The following BRIP1 variants were observed in gnomAD, a reference collection of about 807,000 sequenced individuals.
BRIP1 encodes Fanconi anemia group J protein.
BRIP1 carries 88 observed loss-of-function variants against 119.7 expected under a neutral mutation model. That is an observed-to-expected ratio of 0.74 (90% CI 0.62 to 0.88). The LOEUF (loss-of-function observed/expected upper bound fraction) is 0.88, where lower values mean the gene tolerates loss of function less well. BRIP1 is among the 40% of genes least tolerant of loss of function. BRIP1 has a pLI of 0.00. For missense variants in BRIP1, 1,259 were observed against 1,455.4 expected, an observed-to-expected ratio of 0.87 and a Z score of 2.20; for synonymous variants, 443 against 496.5, an observed-to-expected ratio of 0.89 and a Z score of 1.43.
At position 61,725,971 on chromosome 17, in the gene BRIP1, A is replaced by G. The variant is rs1035026533; in HGVS notation, c.2380-9908T>C. 4.6e-5 allele frequency among the ~76,000 whole-genome samples: 7 copies of G among 152,196 alleles called. No individual in the cohort carries two copies. Among genetic ancestry groups the G allele is most frequent in the African/African-American group, 1.7e-4 (7 of 41,460 alleles). ...TAATGACCTTTGTGTCAATTTAGGT[A>G]GGTTATCCATGTTAAAATATTACTC... is the stretch of plus-strand genomic sequence containing the variant. On this transcript the variant is annotated intron_variant, in intron 16 of 19. Transcript: ENST00000259008. The surrounding 1 kb of genome is among the most constrained non-coding windows in gnomAD (Gnocchi z 5.3).
Position 61,680,108 on chromosome 17 carries a change from C to G in BRIP1, c.*3188G>C, listed in dbSNP as rs369850537. ...CTGTAATCCCAACACTTTGGGAGGC[C>G]GAGGTGGGCAGATCACTTGAGGTCA... is the stretch of plus-strand genomic sequence containing the variant. On this transcript the variant is annotated 3_prime_UTR_variant, in exon 20 of 20. Transcript: ENST00000259008. Among the ~76,000 whole-genome samples, 1 of 150,998 alleles carries G rather than the reference C, an allele frequency of 6.6e-6. No homozygotes were observed. The highest frequency in any genetic ancestry group is 2.1e-4 in the South Asian group (1 of 4,768).
chr17:61,782,839 C>CA (rs1283190870), intron 11 of BRIP1, among the ~76,000 whole-genome samples: 1 of 152,048 alleles, frequency 6.6e-6, no homozygotes, highest in Non-Finnish European at 1.5e-5. Flanking sequence ...GGCTATTATA[C>CA]AAAAAATAAA....
rs559803261 is a variant in BRIP1, at chr17:61,730,780, T to A, written c.2379+12233A>T. On this transcript the variant is annotated intron_variant, in intron 16 of 19. Transcript: ENST00000259008. This position sits in a 1 kb window ranked among gnomAD's most constrained non-coding sequence, Gnocchi z 4.3. ...GAAAAAGGTTATCAACCGAACTTGC[T>A]TAAAATTTTGGGATTTTAAATATTT... Among the ~76,000 whole-genome samples, 4 of 152,318 alleles carry A rather than the reference T, an allele frequency of 2.6e-5. No homozygotes were observed. In the East Asian group the frequency reaches 7.7e-4, roughly 29 times the overall value.
chr17:61,780,252 A>G lies in BRIP1; in HGVS notation c.1935+9T>C, dbSNP rs1234650878. On this transcript the variant is annotated intron_variant, in intron 13 of 19. Coordinates refer to ENST00000259008, the MANE Select transcript of BRIP1 (RefSeq NM_032043.3). This position sits in a 1 kb window ranked among gnomAD's most constrained non-coding sequence, Gnocchi z 5.4. ...TGAAGGCCTTCCAAAAAAAAAAACAACAACTAACCTGTGAATTTTTAATGA... is the reference window on the plus strand; with the variant it reads ...TGAAGGCCTTCCAAAAAAAAAAACAGCAACTAACCTGTGAATTTTTAATGA... 2 of 1,611,474 alleles carry G rather than the reference A, an allele frequency of 1.2e-6. No homozygotes were observed. The highest frequency in any genetic ancestry group is 2.2e-5 in the South Asian group (2 of 90,584).
chr17:61,717,159 A>G lies in BRIP1; in HGVS notation c.2380-1096T>C, dbSNP rs137998961. Among the ~76,000 whole-genome samples, 247 of 152,122 alleles carry G rather than the reference A, an allele frequency of 1.6e-3. No individual in the cohort carries two copies. Among genetic ancestry groups the G allele is most frequent in the African/African-American group, 5.7e-3 (236 of 41,552 alleles). ...AGAGATTCCTTATACCCTTTACCCAATTTCCCCTAATGTTAACATCTTATA... is the reference window on the plus strand; with the variant it reads ...AGAGATTCCTTATACCCTTTACCCAGTTTCCCCTAATGTTAACATCTTATA... On this transcript the variant is annotated intron_variant, in intron 16 of 19. Transcript: ENST00000259008. This position sits in a 1 kb window ranked among gnomAD's most constrained non-coding sequence, Gnocchi z 4.1.
rs867568727 is a variant in BRIP1, at chr17:61,730,971, A to G, written c.2379+12042T>C. ...ATTTTTTGCTGGCCAAGGTAAATATACAATTTATTAACCTAGACAGCTTAC... is the reference window on the plus strand; with the variant it reads ...ATTTTTTGCTGGCCAAGGTAAATATGCAATTTATTAACCTAGACAGCTTAC... On this transcript the variant is annotated intron_variant, in intron 16 of 19. Transcript: ENST00000259008. The surrounding 1 kb of genome is among the most constrained non-coding windows in gnomAD (Gnocchi z 4.3). 6.6e-6 allele frequency among the ~76,000 whole-genome samples: 1 copy of G among 152,068 alleles called. No individual in the cohort carries two copies. The highest frequency in any genetic ancestry group is 1.5e-5 in the Non-Finnish European group (1 of 67,996).
intron 6 of BRIP1, among the ~76,000 whole-genome samples, chr17:61,837,876 G>A (rs535324843): frequency 1.3e-5 from 2 of 152,106 alleles, no homozygotes; most frequent in South Asian, 2.1e-4. Flanking sequence ...ACTATCTTCC[G>A]ACTTGAAAAG....
rs2078718378 is a variant in BRIP1 at position 61,845,750 on chromosome 17, G to C, written c.627+1351C>G. Reference sequence around the variant, plus strand: ...CGCTTCTCCCCAGGACATCCATCCTGCTTCTGTATGCAAAAGTGTTTTATG... The same window carrying C: ...CGCTTCTCCCCAGGACATCCATCCTCCTTCTGTATGCAAAAGTGTTTTATG... On this transcript the variant is annotated intron_variant, in intron 6 of 19. Transcript: ENST00000259008. The surrounding 1 kb of genome is among the most constrained non-coding windows in gnomAD (Gnocchi z 4.2). 6.6e-6 allele frequency among the ~76,000 whole-genome samples: 1 copy of C among 152,146 alleles called. No homozygotes were observed.
At position 61,857,372 on chromosome 17, in the gene BRIP1, AC is replaced by A. The variant is rs1198518049; in HGVS notation, c.206-142del. 3.4e-5 allele frequency: 24 copies of A among 700,850 alleles called. No homozygotes were observed. Among genetic ancestry groups the A allele is most frequent in the Admixed American group, 5.9e-5 (2 of 34,174 alleles). The allele number at this position is 700,850 out of a possible 1,614,324, so 43.4% of individuals were successfully genotyped here. ...CTAACACCAGGAAGGTACCTGGCAA[AC>A]CTGGACAAGCTGGTCACTTTATCTG... On this transcript the variant is annotated intron_variant, in intron 3 of 19. Transcript: ENST00000259008. This position sits in a 1 kb window ranked among gnomAD's most constrained non-coding sequence, Gnocchi z 5.1.
Position 61,759,137 on chromosome 17 carries a change from T to C in BRIP1, c.2098-14546A>G, listed in dbSNP as rs2077240021. On this transcript the variant is annotated intron_variant, in intron 14 of 19. Transcript: ENST00000259008. This position sits in a 1 kb window ranked among gnomAD's most constrained non-coding sequence, Gnocchi z 4.9. Reference sequence around the variant, plus strand: ...CATAGAGTCTTAATTCCCAGAGCAATTTAGAAAGAGTAAGAAAAGAAGATC... The same window carrying C: ...CATAGAGTCTTAATTCCCAGAGCAACTTAGAAAGAGTAAGAAAAGAAGATC... 6.6e-6 allele frequency among the ~76,000 whole-genome samples: 1 copy of C among 151,972 alleles called. No homozygotes were observed. The highest frequency in any genetic ancestry group is 2.1e-4 in the South Asian group (1 of 4,822).
chr17:61,822,302 T>C lies in BRIP1; in HGVS notation c.628-13545A>G, dbSNP rs564961741. On this transcript the variant is annotated intron_variant, in intron 6 of 19. Coordinates refer to ENST00000259008, the MANE Select transcript of BRIP1 (RefSeq NM_032043.3). The surrounding 1 kb of genome is among the most constrained non-coding windows in gnomAD (Gnocchi z 4.4). Reference sequence around the variant, plus strand: ...GCAAATATCACTTTTATAAAAACAATTACATTTTTTAAAAACATACACAGA... The same window carrying C: ...GCAAATATCACTTTTATAAAAACAACTACATTTTTTAAAAACATACACAGA... 6.6e-6 allele frequency among the ~76,000 whole-genome samples: 1 copy of C among 152,256 alleles called. No individual in the cohort carries two copies. The highest frequency in any genetic ancestry group is 2.1e-4 in the South Asian group (1 of 4,824).
chr17:61,695,718 T>A lies in BRIP1; in HGVS notation c.2493-2206A>T, dbSNP rs2144207982. On this transcript the variant is annotated intron_variant, in intron 17 of 19. Transcript: ENST00000259008. The surrounding 1 kb of genome is among the most constrained non-coding windows in gnomAD (Gnocchi z 4.3). ...CCTTAGTTAAGTATATTTCTAAGTA[T>A]TTTCTTCTTTCTGATGTTATTTTAA... Among the ~76,000 whole-genome samples, 1 of 152,272 alleles carries A rather than the reference T, an allele frequency of 6.6e-6. No homozygotes were observed. Among genetic ancestry groups the A allele is most frequent in the Non-Finnish European group, 1.5e-5 (1 of 67,988 alleles).
In BRIP1 at chr17:61,701,547, G is replaced by T. The variant is rs915630651; in HGVS notation, c.2493-8035C>A. 6.6e-6 allele frequency among the ~76,000 whole-genome samples: 1 copy of T among 152,182 alleles called. No homozygotes were observed. The highest frequency in any genetic ancestry group is 1.5e-5 in the Non-Finnish European group (1 of 68,032). On this transcript the variant is annotated intron_variant, in intron 17 of 19. Transcript: ENST00000259008. The surrounding 1 kb of genome is among the most constrained non-coding windows in gnomAD (Gnocchi z 5.1). ...CTTCCTGCTTCAGCAGAGCACCAAGGTGATAGCTTAGGGCCTTTTCAGGTC... is the reference window on the plus strand; with the variant it reads ...CTTCCTGCTTCAGCAGAGCACCAAGTTGATAGCTTAGGGCCTTTTCAGGTC...
Position 61,776,282 on chromosome 17 carries a change from T to C in BRIP1, c.2097+119A>G. ...ATATGTGATGTTTAGAAAACTATAG[T>C]TATTACCTTGTTGCCTCTACCCTAG... is the stretch of plus-strand genomic sequence containing the variant. On this transcript the variant is annotated intron_variant, in intron 14 of 19. Transcript: ENST00000259008. This position sits in a 1 kb window ranked among gnomAD's most constrained non-coding sequence, Gnocchi z 5.0. 2 of 1,079,964 alleles carry C rather than the reference T, an allele frequency of 1.9e-6. No individual in the cohort carries two copies. The highest frequency in any genetic ancestry group is 3.9e-5 in the Admixed American group (2 of 51,314). The allele number at this position is 1,079,964 out of a possible 1,614,324, so 66.9% of individuals were successfully genotyped here.
At position 61,757,128 on chromosome 17, in the gene BRIP1, T is replaced by A. The variant is rs1346050935; in HGVS notation, c.2098-12537A>T. 1.3e-5 allele frequency among the ~76,000 whole-genome samples: 2 copies of A among 152,080 alleles called. No homozygotes were observed. Among genetic ancestry groups the A allele is most frequent in the Non-Finnish European group, 2.9e-5 (2 of 68,020 alleles). On this transcript the variant is annotated intron_variant, in intron 14 of 19. Transcript: ENST00000259008. This position sits in a 1 kb window ranked among gnomAD's most constrained non-coding sequence, Gnocchi z 4.3. Reference sequence around the variant, plus strand: ...GGCATATGTTAGAAATAAAAAAGAGTTCCTTTTAAATACTAATAAAAATGA... The same window carrying A: ...GGCATATGTTAGAAATAAAAAAGAGATCCTTTTAAATACTAATAAAAATGA...
At chr17:61,711,065 C>CCAAA (rs1187674750) in intron 17 of BRIP1, among the ~76,000 whole-genome samples, 4 of 150,154 alleles carry the variant, frequency 2.7e-5, no homozygotes, top group African/African-American at 9.8e-5. Flanking sequence ...CCAAAAAAAC[C>CCAAA]CAAACAAACA....
In BRIP1 at chr17:61,738,862, A is replaced by T. The variant is rs183825158; in HGVS notation, c.2379+4151T>A. On this transcript the variant is annotated intron_variant, in intron 16 of 19. Transcript: ENST00000259008. This position sits in a 1 kb window ranked among gnomAD's most constrained non-coding sequence, Gnocchi z 4.2. The stretch of plus-strand genomic sequence containing the variant: ...AAAATTCTTTTGATAACTACTCTGA[A>T]TATCATTCCCTTCTCTTCTCCTCAT... Among the ~76,000 whole-genome samples, 127 of 152,332 alleles carry T rather than the reference A, an allele frequency of 8.3e-4. 1 individual carries two copies. Among genetic ancestry groups the T allele is most frequent in the African/African-American group, 2.8e-3 (116 of 41,578 alleles).
chr17:61,791,438 G>A (rs971537498), intron 10 of BRIP1, among the ~76,000 whole-genome samples: 4 of 123,774 alleles, frequency 3.2e-5, no homozygotes, highest in Admixed American at 1.9e-4. Context: ...GCAGTGAGCC[G>A]AGATCACGCC....
At chr17:61,839,577 T>C (rs183586995) in intron 6 of BRIP1, among the ~76,000 whole-genome samples, 14 of 152,328 alleles carry the variant, frequency 9.2e-5, no homozygotes, top group East Asian at 7.7e-4. Flanking sequence ...GTATGACATA[T>C]ATCTCTTACA....
Sources: gnomAD v4.1 joint callset for allele counts (sites outside exome capture counted in the v4.1 genomes callset) on GRCh38, gnomAD v4.1.1 for gene constraint, Gnocchi (gnomAD v3.1) non-coding constraint, MANE v1.5 for transcripts, NCBI Gene and HGNC (gene_info 2026-07-23, HGNC 2026-07-21) for gene names.